CLIC5: variants seen among roughly 807,000 people sequenced by gnomAD.
CLIC5 encodes chloride intracellular channel protein 5.
A neutral mutation model predicts 24.7 loss-of-function variants in CLIC5; 20 were observed. That is an observed-to-expected ratio of 0.81 (90% confidence interval 0.57 to 1.18). CLIC5 has a LOEUF of 1.18. Ranked by LOEUF, CLIC5 falls within the 50% of genes most tolerant of loss-of-function variation. The pLI is 0.00. For missense variants in CLIC5, 341 were observed against 326.1 expected (o/e 1.05, Z -0.35); for synonymous variants, 159 against 135.6 (o/e 1.17, Z -1.20).
the CLIC5 span, among the ~76,000 whole-genome samples, chr6:46,111,349 C>A: frequency 6.6e-6 from 1 of 152,188 alleles, no homozygotes; most frequent in Non-Finnish European, 1.5e-5. Flanking sequence ...ATAGCCCCTG[C>A]CATCTGAAGA....
At chr6:46,119,359 T>C in the CLIC5 span, among the ~76,000 whole-genome samples, 1 of 152,264 alleles carries the variant, frequency 6.6e-6, no homozygotes, top group African/African-American at 2.4e-5. Context: ...CCTCACTTGA[T>C]AGTATAGTGC....
chr6:45,973,398 C>A (rs968388590), intron 1 of CLIC5, among the ~76,000 whole-genome samples: 2 of 152,204 alleles, frequency 1.3e-5, no homozygotes, highest in Non-Finnish European at 2.9e-5. Flanking sequence ...GGAAAAATAA[C>A]TCGCTTGCAG....
At chr6:45,921,618 A>G (rs1159208161) in intron 4 of CLIC5, among the ~76,000 whole-genome samples, 1 of 131,580 alleles carries the variant, frequency 7.6e-6, no homozygotes, top group African/African-American at 2.9e-5. Flanking sequence ...AGATGAGAGA[A>G]GAGATAGCTC....
At chr6:45,913,042 A>C in intron 5 of CLIC5, among the ~76,000 whole-genome samples, 1 of 152,244 alleles carries the variant, frequency 6.6e-6, no homozygotes, top group East Asian at 1.9e-4. Flanking sequence ...GAAAAATAAT[A>C]GGCATATACT....
intron 1 of CLIC5, among the ~76,000 whole-genome samples, chr6:45,983,108 G>T (rs545945170): frequency 2.0e-5 from 3 of 152,168 alleles, no homozygotes; most frequent in African/African-American, 7.2e-5. Context: ...TCCTTGTAAC[G>T]TACATTCAGT....
chr6:46,010,042 C>T (rs542169912), intron 1 of CLIC5, among the ~76,000 whole-genome samples: 4 of 152,222 alleles, frequency 2.6e-5, no homozygotes, highest in African/African-American at 9.6e-5. Context: ...TGGTCTGCAG[C>T]AATGAGACTC....
chr6:46,065,359 TTTA>T (rs1490749151), intron 1 of CLIC5, among the ~76,000 whole-genome samples: 5 of 151,194 alleles, frequency 3.3e-5, no homozygotes, highest in African/African-American at 1.2e-4. Flanking sequence ...TTTTTTTTTT[TTTA>T]AAAAAAAGGT....
In CLIC5 at chr6:45,999,799, G is replaced by A. The variant is rs1766287051; in HGVS notation, c.63+15681C>T. On this transcript the variant is annotated intron_variant, in intron 1 of 5. Transcript: ENST00000339561. The stretch of plus-strand genomic sequence containing the variant: ...TGTCGCCCAGGCAGGACTGCGGACT[G>A]CAGTGGCGCAATCTCGGCTCACTGC... 3.8e-5 allele frequency among the ~76,000 whole-genome samples: 3 copies of A among 79,614 alleles called. 1 individual carries two copies. Among genetic ancestry groups the A allele is most frequent in the African/African-American group, 1.6e-4 (3 of 18,866 alleles). 52.2% of individuals were successfully genotyped at this position (79,614 alleles called of 152,430 possible).
At chr6:46,087,675 T>C in the CLIC5 span, among the ~76,000 whole-genome samples, 71 of 152,228 alleles carry the variant, frequency 4.7e-4, no homozygotes, top group South Asian at 1.0e-3. Context: ...TCTCTAACAC[T>C]TCTCTAGAAC....
chr6:45,985,009 C>G (rs1471791307), intron 1 of CLIC5, among the ~76,000 whole-genome samples: 1 of 152,182 alleles, frequency 6.6e-6, no homozygotes, highest in East Asian at 1.9e-4. Context: ...GCAATGGGAT[C>G]TGAGCAGTGA....
At chr6:45,993,371 C>A (rs1355709129) in intron 1 of CLIC5, among the ~76,000 whole-genome samples, 2 of 152,164 alleles carry the variant, frequency 1.3e-5, no homozygotes, top group African/African-American at 4.8e-5. Context: ...GTAGGCAAGA[C>A]TTTATTCAAC....
intron 5 of CLIC5, among the ~76,000 whole-genome samples, chr6:45,910,831 A>T (rs1188069957): frequency 6.6e-6 from 1 of 152,252 alleles, no homozygotes. Flanking sequence ...GGAGAGAGCC[A>T]GCAAGGTTGG....
intron 4 of CLIC5, among the ~76,000 whole-genome samples, chr6:45,939,651 T>A (rs555341569): frequency 1.3e-5 from 2 of 152,020 alleles, no homozygotes; most frequent in East Asian, 3.9e-4. Flanking sequence ...TTTAAAAAAA[T>A]TTTTTTAGAG....
chr6:45,967,486 G>T (rs1765054198), intron 1 of CLIC5, among the ~76,000 whole-genome samples: 2 of 152,196 alleles, frequency 1.3e-5, no homozygotes, highest in African/African-American at 2.4e-5. Context: ...GAGCCTCAAA[G>T]GTAAGAGAGT....
chr6:46,034,255 G>T lies in CLIC5; in HGVS notation c.540+45448C>A, dbSNP rs192259576. On this transcript the variant is annotated intron_variant, in intron 1 of 5. Transcript: ENST00000185206. ...TTTCATTGGTCTGGCATGTGGCCTGGACACCAGGACTATCTTGAAAGTTCC... is the reference window on the plus strand; with the variant it reads ...TTTCATTGGTCTGGCATGTGGCCTGTACACCAGGACTATCTTGAAAGTTCC... Among the ~76,000 whole-genome samples, 29 of 152,300 alleles carry T rather than the reference G, an allele frequency of 1.9e-4. No individual in the cohort carries two copies. The East Asian group carries it at 5.2e-3, about 27-fold the overall frequency.
chr6:45,889,849 C>A (rs1762334783), intron 6 of CLIC5, among the ~76,000 whole-genome samples: 1 of 152,128 alleles, frequency 6.6e-6, no homozygotes, highest in Admixed American at 6.6e-5. Flanking sequence ...ATGTTTGCTG[C>A]AGCATTATTT....
chr6:46,124,419 C>G, the CLIC5 span, among the ~76,000 whole-genome samples: 1 of 152,034 alleles, frequency 6.6e-6, no homozygotes, highest in African/African-American at 2.4e-5. Flanking sequence ...TTACACCCTA[C>G]ACAAAAATTA....
At chr6:46,044,227 G>C (rs1767893704) in intron 1 of CLIC5, among the ~76,000 whole-genome samples, 2 of 152,178 alleles carry the variant, frequency 1.3e-5, no homozygotes, top group Non-Finnish European at 2.9e-5. Flanking sequence ...CCTTGCTCCA[G>C]TTGAGGCTTT....
rs1762437242 is a variant in CLIC5 at position 45,898,764 on chromosome 6, G to A, written c.*4324C>T. The A allele has an allele frequency of 6.6e-6, 1 of 152,556 alleles. No individual in the cohort carries two copies. The highest frequency in any genetic ancestry group is 2.4e-5 in the African/African-American group (1 of 41,426). The allele number at this position is 152,556 out of a possible 1,614,324, so 9.5% of individuals were successfully genotyped here. On this transcript the variant is annotated 3_prime_UTR_variant, in exon 6 of 6. Transcript: ENST00000339561. ...GCTTATAAAATAGGACAACGAGGTG[G>A]CCAGGAAAGTAAGACAAATTCAAAC...
Sources: allele counts gnomAD v4.1 joint callset (sites outside exome capture counted in the v4.1 genomes callset), GRCh38; gene constraint gnomAD v4.1.1; transcripts MANE v1.5; gene names NCBI Gene and HGNC (gene_info 2026-07-23, HGNC 2026-07-21).